The following HOMER2 variants were observed in gnomAD, a reference collection of about 807,000 sequenced individuals.
HOMER2 encodes the protein homer protein homolog 2.
HOMER2 carries 27 observed loss-of-function variants against 47.0 expected under a neutral mutation model. That is an observed-to-expected ratio of 0.57 (90% CI 0.42 to 0.79). HOMER2 has a LOEUF of 0.79. Ranked by LOEUF, HOMER2 falls within the 30% of genes least tolerant of loss-of-function variation. The probability of loss-of-function intolerance (pLI) is 0.00; values close to 1 mark genes in which losing one functional copy is unlikely to be tolerated. For synonymous variants in HOMER2, 161 were observed against 163.8 expected, an observed-to-expected ratio of 0.98 and a Z score of 0.13; for missense variants, 443 against 435.0, an observed-to-expected ratio of 1.02 and a Z score of -0.16.
rs144840354 is a variant in HOMER2 at position 82,857,024 on chromosome 15, A to T, written c.494+2005T>A. On this transcript the variant is annotated intron_variant, in intron 5 of 8. Coordinates refer to ENST00000450735, the MANE Select transcript of HOMER2 (RefSeq NM_004839.4). The stretch of plus-strand genomic sequence containing the variant: ...AAAATGGGGGGAAGTTCAAAATGAC[A>T]GCTTCTCTTATGGACCCAATGCTTG... 2.7e-3 allele frequency among the ~76,000 whole-genome samples: 417 copies of T among 152,298 alleles called. 3 individuals carry two copies. The highest frequency in any genetic ancestry group is 9.5e-3 in the African/African-American group (396 of 41,548).
At chr15:82,891,627 CCCTGCTTCCTGTTG>C (rs1269380449) in intron 2 of HOMER2, among the ~76,000 whole-genome samples, 4 of 152,112 alleles carry the variant, frequency 2.6e-5, no homozygotes, top group Non-Finnish European at 4.4e-5. Flanking sequence ...CTCCCCACTC[CCCTGCTTCCTGTTG>C]CATAGGAAGG....
chr15:82,931,817 G>A (rs574418974), intron 1 of HOMER2, among the ~76,000 whole-genome samples: 5 of 152,240 alleles, frequency 3.3e-5, no homozygotes, highest in South Asian at 2.1e-4. Context: ...CAGCATGGGC[G>A]ACAGAGCGAG....
At chr15:82,911,163 GCTCT>G (rs2053442401) in intron 1 of HOMER2, among the ~76,000 whole-genome samples, 1 of 152,146 alleles carries the variant, frequency 6.6e-6, no homozygotes, top group Non-Finnish European at 1.5e-5. Flanking sequence ...AGAGAATCTA[GCTCT>G]CTCTCCCTAT....
chr15:82,864,456 A>C (rs963075532), intron 3 of HOMER2, among the ~76,000 whole-genome samples, 197 bp from the exon 4 acceptor site: 1 of 152,234 alleles, frequency 6.6e-6, no homozygotes, highest in Non-Finnish European at 1.5e-5. Flanking sequence ...TTCTGAACCC[A>C]TATCTAAGCT....
chr15:82,896,616 G>A (rs1042902843), intron 1 of HOMER2, among the ~76,000 whole-genome samples: 8 of 152,210 alleles, frequency 5.3e-5, no homozygotes, highest in African/African-American at 1.9e-4. Context: ...GGGTACTGCA[G>A]GGCCTCCTGG....
chr15:82,842,789 G>A (rs1377285413), exon 2 of HOMER2: 1 of 152,126 alleles, frequency 6.6e-6, no homozygotes, highest in Non-Finnish European at 1.5e-5. Context: ...CAACAGAAGG[G>A]CTACTAGGTG....
At chr15:82,873,195 C>T (rs1256446) in intron 3 of HOMER2, among the ~76,000 whole-genome samples, 65,872 of 151,998 alleles carry the variant, frequency 0.43, 14,569 homozygotes, top group East Asian at 0.62. Flanking sequence ...CAGTGACCCA[C>T]GCCAAGCATC....
chr15:82,974,005 C>T (rs994760317), intron 1 of HOMER2, among the ~76,000 whole-genome samples: 2 of 150,888 alleles, frequency 1.3e-5, no homozygotes, highest in African/African-American at 4.9e-5. Context: ...GTCTGAGGCA[C>T]GAGGGTCACT....
Position 82,983,621 on chromosome 15 carries a change from C to G in HOMER2, n.82+2166G>C, listed in dbSNP as rs970613905. Reference sequence around the variant, plus strand: ...CTTTTTTTTTTTAGATGGAGTCTCACTCTGTCGCCCAGGCTGGAGGGCAGT... The same window carrying G: ...CTTTTTTTTTTTAGATGGAGTCTCAGTCTGTCGCCCAGGCTGGAGGGCAGT... On this transcript the variant is annotated intron_variant and non_coding_transcript_variant, in intron 1 of 1. Transcript: ENST00000500334. Among the ~76,000 whole-genome samples the G allele has an allele frequency of 7.9e-5, 12 of 151,812 alleles. 1 individual carries two copies. Among genetic ancestry groups the G allele is most frequent in the African/African-American group, 2.7e-4 (11 of 41,310 alleles).
chr15:82,923,218 G>A (rs148498627), intron 1 of HOMER2, among the ~76,000 whole-genome samples: 2,289 of 152,216 alleles, frequency 0.015, 30 homozygotes, highest in African/African-American at 0.028. Flanking sequence ...AGGCGCAGTG[G>A]CTCACACCTA....
At position 82,892,857 on chromosome 15, in the gene HOMER2, G is replaced by A. The variant is rs1342555532; in HGVS notation, c.6-16C>T. 3 of 1,510,618 alleles carry A rather than the reference G, an allele frequency of 2.0e-6. No homozygotes were observed. Among genetic ancestry groups the A allele is most frequent in the Non-Finnish European group, 2.7e-6 (3 of 1,114,708 alleles). 93.6% of individuals were successfully genotyped at this position (1,510,618 alleles called of 1,614,324 possible). On this transcript the variant is annotated splice_polypyrimidine_tract_variant and intron_variant, in intron 1 of 8. Transcript: ENST00000450735. ...GGGCTGTTCTCTGCAATAAGAGAGT[G>A]GGCGTGTGAGTTGAGAGAACATGAC...
chr15:82,898,990 C>T (rs1041366062), intron 1 of HOMER2, among the ~76,000 whole-genome samples: 1 of 152,194 alleles, frequency 6.6e-6, no homozygotes, highest in Non-Finnish European at 1.5e-5. Flanking sequence ...TTAAACCCCT[C>T]CAAACACCAT....
chr15:82,897,152 C>T (rs955875547), intron 1 of HOMER2, among the ~76,000 whole-genome samples: 2 of 145,412 alleles, frequency 1.4e-5, no homozygotes, highest in Middle Eastern at 3.7e-3. Context: ...CTGCAACCTC[C>T]ACCTCCTGGG....
chr15:82,835,612 A>G (rs2051117985), downstream of HOMER2: 1 of 152,428 alleles, frequency 6.6e-6, no homozygotes, highest in Non-Finnish European at 1.5e-5. Flanking sequence ...CAGAATGCAA[A>G]TCCAACTCCT....
chr15:82,947,119 G>A (rs2054399440), intron 1 of HOMER2, among the ~76,000 whole-genome samples: 1 of 152,178 alleles, frequency 6.6e-6, no homozygotes. Flanking sequence ...CCTTACCAAT[G>A]TACAGACTGA....
At chr15:82,906,813 G>A (rs1324086478) in intron 1 of HOMER2, among the ~76,000 whole-genome samples, 1 of 152,140 alleles carries the variant, frequency 6.6e-6, no homozygotes, top group African/African-American at 2.4e-5. Flanking sequence ...TATAACACTA[G>A]TCAAAAGACA....
At chr15:82,931,453 CA>C (rs970843743) in intron 1 of HOMER2, among the ~76,000 whole-genome samples, 89 of 151,574 alleles carry the variant, frequency 5.9e-4, no homozygotes, top group African/African-American at 2.0e-3. Context: ...CCCTTGAAGC[CA>C]GTGATATGGC....
intron 1 of HOMER2, among the ~76,000 whole-genome samples, chr15:82,962,364 CAA>C (rs34651312): frequency 2.3e-4 from 10 of 44,268 alleles, no homozygotes; most frequent in South Asian, 8.2e-4. Flanking sequence ...GACTCCGTCT[CAA>C]AAAAAAAAAA....
chr15:82,949,399 G>A (rs1270514291), intron 1 of HOMER2, among the ~76,000 whole-genome samples: 2 of 152,134 alleles, frequency 1.3e-5, no homozygotes, highest in Non-Finnish European at 2.9e-5. Context: ...AAACAGTGGG[G>A]CCAGAGGAGC....
Sources: allele counts gnomAD v4.1 joint callset (sites outside exome capture counted in the v4.1 genomes callset), GRCh38; gene constraint gnomAD v4.1.1; transcripts MANE v1.5; gene names NCBI Gene and HGNC (gene_info 2026-07-23, HGNC 2026-07-21).